Variants in ATP2B2 observed in about 807,000 individuals in gnomAD.
The protein encoded by ATP2B2 is ATPase plasma membrane Ca2+ transporting 2, also known as plasma membrane calcium-transporting ATPase 2.
A neutral mutation model predicts 120.0 loss-of-function variants in ATP2B2; 15 were observed. That is an observed-to-expected ratio of 0.12 (90% CI 0.08 to 0.19). The LOEUF (loss-of-function observed/expected upper bound fraction) is 0.19. Among genes scored for constraint, ATP2B2 ranks in the 10% least tolerant of loss-of-function variants. The pLI is 1.00. For synonymous variants in ATP2B2, 694 were observed against 700.3 expected (o/e 0.99, Z 0.14); for missense variants, 1,045 against 1,719.8 (o/e 0.61, Z 6.94).
At chr3:10,513,891 G>A (rs1327682577) in intron 3 of ATP2B2, among the ~76,000 whole-genome samples, 1 of 151,976 alleles carries the variant, frequency 6.6e-6, no homozygotes, top group Non-Finnish European at 1.5e-5. Context: ...GATAGAACCT[G>A]GTTTTTTCCC....
intron 14 of ATP2B2, among the ~76,000 whole-genome samples, chr3:10,356,493 G>A (rs1369588627): frequency 1.3e-5 from 2 of 152,232 alleles, no homozygotes; most frequent in Non-Finnish European, 2.9e-5. Flanking sequence ...TTGGTGAAAT[G>A]TGTGTGTTTA....
intron 1 of ATP2B2, among the ~76,000 whole-genome samples, chr3:10,646,947 C>T (rs570335399): frequency 9.2e-5 from 14 of 152,244 alleles, no homozygotes; most frequent in African/African-American, 3.4e-4. Context: ...AAGCGCCCTG[C>T]AAGTGCACAG....
chr3:10,400,920 C>T (rs376975266), intron 5 of ATP2B2, 33 bp downstream of exon 5: 28 of 1,613,272 alleles, frequency 1.7e-5, no homozygotes, highest in African/African-American at 1.5e-4. Flanking sequence ...TGCATGGCGA[C>T]GGGAATGGGC....
At chr3:10,533,268 G>A (rs1321477450) in intron 3 of ATP2B2, among the ~76,000 whole-genome samples, 1 of 152,232 alleles carries the variant, frequency 6.6e-6, no homozygotes. Context: ...AGGTTGAGTG[G>A]TGTTCTGGCC....
At position 10,350,384 on chromosome 3, in the gene ATP2B2, G is replaced by C; in HGVS notation, c.2316+14C>G. ...GCGCGTTCCCCTGAGGATGCTTTAC[G>C]TTGGGACACGCACCTCCCCCTTCTC... On this transcript the variant is annotated intron_variant, in intron 15 of 22. Transcript: ENST00000360273. The C allele has an allele frequency of 6.2e-7, 1 of 1,614,144 alleles. No individual in the cohort carries two copies. Among genetic ancestry groups the C allele is most frequent in the Non-Finnish European group, 8.5e-7 (1 of 1,180,006 alleles).
chr3:10,601,223 G>T (rs1018970998), intron 2 of ATP2B2, among the ~76,000 whole-genome samples: 1 of 152,208 alleles, frequency 6.6e-6, no homozygotes, highest in African/African-American at 2.4e-5. Context: ...CAGAGGCCAT[G>T]ATTGGTGCCC....
chr3:10,595,908 A>G (rs565365204), intron 2 of ATP2B2, among the ~76,000 whole-genome samples: 54 of 152,204 alleles, frequency 3.5e-4, no homozygotes, highest in African/African-American at 1.3e-3. Flanking sequence ...CCCTTTGAGC[A>G]CCATACTCTA....
At chr3:10,442,950 G>T (rs1452636667) in intron 2 of ATP2B2, among the ~76,000 whole-genome samples, 1 of 152,180 alleles carries the variant, frequency 6.6e-6, no homozygotes, top group East Asian at 1.9e-4. Flanking sequence ...TAGATAACTG[G>T]TCCAACGTCC....
intron 1 of ATP2B2, among the ~76,000 whole-genome samples, chr3:10,672,823 C>T (rs1050419351): frequency 1.3e-5 from 2 of 152,226 alleles, no homozygotes; most frequent in African/African-American, 4.8e-5. Context: ...AGCCAAAGGG[C>T]TTTCTCTAAC....
intron 1 of ATP2B2, among the ~76,000 whole-genome samples, chr3:10,490,508 C>T (rs2065895205): frequency 6.7e-6 from 1 of 149,472 alleles, no homozygotes; most frequent in Admixed American, 6.8e-5. Context: ...TTAAGCAATT[C>T]CTGTATCTCA....
chr3:10,512,464 G>GCGCGCGCACACACACACACACA (rs749056818), intron 3 of ATP2B2, among the ~76,000 whole-genome samples: 13 of 137,022 alleles, frequency 9.5e-5, no homozygotes, highest in African/African-American at 3.5e-4. Context: ...AAGTGTGTGC[G>GCGCGCGCACACACACACACACA]CACACACACA....
intron 1 of ATP2B2, among the ~76,000 whole-genome samples, chr3:10,471,364 C>CTGAGAGTGTG (rs1221371075): frequency 6.7e-6 from 1 of 150,358 alleles, no homozygotes; most frequent in Non-Finnish European, 1.5e-5. Context: ...TTCAGGAAAC[C>CTGAGAGTGTG]TGTGTGTGTG....
intron 1 of ATP2B2, among the ~76,000 whole-genome samples, chr3:10,643,087 A>G (rs1189687120): frequency 1.3e-5 from 2 of 152,044 alleles, no homozygotes; most frequent in South Asian, 2.1e-4. Context: ...AACAACAACA[A>G]CAGCAAGGCA....
At chr3:10,700,765 C>T (rs778323572) in intron 1 of ATP2B2, among the ~76,000 whole-genome samples, 1 of 152,254 alleles carries the variant, frequency 6.6e-6, no homozygotes, top group African/African-American at 2.4e-5. Context: ...TTACTTCTCA[C>T]TGATGCTACA....
At chr3:10,649,074 A>AT (rs956206268) in intron 1 of ATP2B2, among the ~76,000 whole-genome samples, 1 of 152,106 alleles carries the variant, frequency 6.6e-6, no homozygotes, top group African/African-American at 2.4e-5. Context: ...GGCCATTTAA[A>AT]TTTTTTTATT....
chr3:10,469,697 CA>C lies in ATP2B2; in HGVS notation c.-319-19836del, dbSNP rs367657192. On this transcript the variant is annotated intron_variant, in intron 1 of 22. Transcript: ENST00000360273. Reference sequence around the variant, plus strand: ...TGAGCCTGACCACGTGCTCCATCTACAAAAATATCCCAGGCCAGCAGCCCCT... The same window carrying C: ...TGAGCCTGACCACGTGCTCCATCTACAAAATATCCCAGGCCAGCAGCCCCT... Among the ~76,000 whole-genome samples, 5 of 152,320 alleles carry C rather than the reference CA, an allele frequency of 3.3e-5. 1 individual carries two copies. Among genetic ancestry groups the C allele is most frequent in the South Asian group, 2.1e-4 (1 of 4,828 alleles).
chr3:10,634,854 A>C lies in ATP2B2; in HGVS notation c.-459-14893T>G, dbSNP rs1286677083. ...TAGCATGCGTGTCCTCTGCCAAAATACAAATCTCCTCTATTCCTAACTATG... is the reference window on the plus strand; with the variant it reads ...TAGCATGCGTGTCCTCTGCCAAAATCCAAATCTCCTCTATTCCTAACTATG... On this transcript the variant is annotated intron_variant, in intron 1 of 21. Coordinates refer to the ATP2B2 transcript ENST00000646379. Among the ~76,000 whole-genome samples the C allele has an allele frequency of 2.3e-4, 35 of 152,200 alleles. 1 individual carries two copies. The highest frequency in any genetic ancestry group is 1.2e-4 in the Non-Finnish European group (8 of 68,048).
At chr3:10,695,621 G>A (rs954338192) in intron 1 of ATP2B2, among the ~76,000 whole-genome samples, 4 of 152,136 alleles carry the variant, frequency 2.6e-5, no homozygotes, top group Non-Finnish European at 4.4e-5. Flanking sequence ...TCCCAGACCA[G>A]CCTAGAGCCA....
rs184738121 is a variant in ATP2B2 at position 10,327,105 on chromosome 3, T to C, written c.*1709A>G. 3.3e-5 allele frequency: 12 copies of C among 360,572 alleles called. No homozygotes were observed. The highest frequency in any genetic ancestry group is 5.9e-5 in the Non-Finnish European group (12 of 202,762). 22.3% of individuals were successfully genotyped at this position (360,572 alleles called of 1,614,324 possible). On this transcript the variant is annotated 3_prime_UTR_variant, in exon 23 of 23. Transcript: ENST00000360273. ...AAAAGTCTCAAAGCAAACTTTGTAT[T>C]AAATACAAAAGTTCTTTTATGAAAA...
Sources: allele counts gnomAD v4.1 joint callset (sites outside exome capture counted in the v4.1 genomes callset), GRCh38; gene constraint gnomAD v4.1.1; transcripts MANE v1.5; gene names NCBI Gene and HGNC (gene_info 2026-07-23, HGNC 2026-07-21).